The following RAVER2 variants were observed in gnomAD, a reference collection of about 807,000 sequenced individuals.
RAVER2 encodes the protein ribonucleoprotein PTB-binding 2.
In RAVER2, 46 loss-of-function variants were observed where a neutral mutation model predicts 78.1. That is an observed-to-expected ratio of 0.59 (90% CI 0.46 to 0.75). RAVER2 has a LOEUF of 0.75. RAVER2 is among the 30% of genes least tolerant of loss of function. The pLI, the probability that RAVER2 is intolerant of heterozygous loss-of-function variation, is 0.00. For missense variants in RAVER2, 793 were observed against 837.5 expected (o/e 0.95, Z 0.66); for synonymous variants, 311 against 313.3 (o/e 0.99, Z 0.08).
At chr1:64,818,678 T>C (rs1653814089) in intron 11 of RAVER2, among the ~76,000 whole-genome samples, 1 of 152,212 alleles carries the variant, frequency 6.6e-6, no homozygotes, top group Non-Finnish European at 1.5e-5. Flanking sequence ...GTATTTGTGT[T>C]TCTGTAGCTT....
intron 2 of RAVER2, among the ~76,000 whole-genome samples, chr1:64,773,972 A>T (rs1222736954): frequency 1.3e-5 from 2 of 152,162 alleles, no homozygotes; most frequent in Admixed American, 6.5e-5. Context: ...GGCTGCATAA[A>T]TGTCTTCTTT....
chr1:64,789,198 G>C (rs1652867118), intron 4 of RAVER2, among the ~76,000 whole-genome samples, 190 bp from the exon 5 acceptor site: 1 of 152,064 alleles, frequency 6.6e-6, no homozygotes, highest in Admixed American at 6.6e-5. Context: ...CGTTCTATGA[G>C]GATTTTATGC....
chr1:64,803,588 T>C (rs1478572276), intron 6 of RAVER2, among the ~76,000 whole-genome samples: 1 of 152,146 alleles, frequency 6.6e-6, no homozygotes, highest in African/African-American at 2.4e-5. Flanking sequence ...TTTAAGAACA[T>C]AGAATTCTAA....
At chr1:64,833,139 C>A in exon 12 of RAVER2, 1 of 184,822 alleles carries the variant, frequency 5.4e-6, no homozygotes, top group Non-Finnish European at 1.2e-5. Context: ...CCCCTTCCTC[C>A]CCCCAAAACT....
intron 3 of RAVER2, among the ~76,000 whole-genome samples, chr1:64,779,426 G>T (rs1370994301): frequency 6.6e-6 from 1 of 151,918 alleles, no homozygotes. Flanking sequence ...CTATTGCCCA[G>T]GCTGGAATCA....
chr1:64,806,917 A>G (rs1210800068), intron 8 of RAVER2, among the ~76,000 whole-genome samples: 1 of 152,186 alleles, frequency 6.6e-6, no homozygotes, highest in Non-Finnish European at 1.5e-5. Flanking sequence ...CTCAACTTTA[A>G]CAATATATAA....
At chr1:64,746,440 C>T (rs1326805414) in intron 1 of RAVER2, among the ~76,000 whole-genome samples, 1 of 152,128 alleles carries the variant, frequency 6.6e-6, no homozygotes, top group Non-Finnish European at 1.5e-5. Context: ...GTGGGCTGTC[C>T]TGGTAGTTGC....
chr1:64,777,033 A>G (rs1652483096), intron 2 of RAVER2, among the ~76,000 whole-genome samples: 1 of 152,184 alleles, frequency 6.6e-6, no homozygotes, highest in Admixed American at 6.6e-5. Context: ...AGTGTACCAA[A>G]TTAAAAGTGT....
intron 11 of RAVER2, among the ~76,000 whole-genome samples, chr1:64,822,453 A>G (rs954862747): frequency 1.1e-4 from 17 of 152,238 alleles, no homozygotes; most frequent in Admixed American, 6.5e-4. Context: ...CAGAAGAATC[A>G]ACAAACTTAG....
At chr1:64,807,573 GA>G in intron 9 of RAVER2, 99 bp downstream of exon 9, 1 of 1,201,578 alleles carries the variant, frequency 8.3e-7, no homozygotes, top group Non-Finnish European at 1.1e-6. Context: ...ATGAAATGAT[GA>G]CTTTTTCATA....
intron 2 of RAVER2, among the ~76,000 whole-genome samples, chr1:64,776,581 C>T (rs1241744687): frequency 3.3e-5 from 5 of 152,136 alleles, no homozygotes; most frequent in Non-Finnish European, 7.3e-5. Context: ...TATTGTCATG[C>T]AGTTCTAATT....
chr1:64,830,964 A>T (rs759218839), exon 12 of RAVER2: 126 of 1,613,552 alleles, frequency 7.8e-5, no homozygotes, highest in Non-Finnish European at 1.0e-4. Flanking sequence ...AAACTTACTT[A>T]AAAAAGAAGC....
chr1:64,780,329 G>A (rs2100837451), intron 3 of RAVER2, among the ~76,000 whole-genome samples: 1 of 152,238 alleles, frequency 6.6e-6, no homozygotes, highest in Admixed American at 6.5e-5. Context: ...AGAGGTAGAT[G>A]TTTTTCCTTT....
rs1343889155 is a variant in RAVER2 at position 64,793,792 on chromosome 1, GTA to G, written c.1105+4281_1105+4282del. Among the ~76,000 whole-genome samples, 15 of 152,250 alleles carry G rather than the reference GTA, an allele frequency of 9.9e-5. No homozygotes were observed. In the East Asian group the frequency reaches 2.7e-3, roughly 27 times the overall value. On this transcript the variant is annotated intron_variant, in intron 5 of 11. Coordinates refer to ENST00000294428, the Ensembl canonical transcript of RAVER2. ...TACAGTTTGTATTTTCTAGAAATTG[GTA>G]TAAGAGGAATCGCACAGTCTGTACT... is the stretch of plus-strand genomic sequence containing the variant.
At chr1:64,803,140 C>A in intron 6 of RAVER2, 79 bp downstream of exon 6, 2 of 1,071,972 alleles carry the variant, frequency 1.9e-6, no homozygotes, top group Non-Finnish European at 2.8e-6. Context: ...TTAAAGTTCT[C>A]AAGAAATTAA....
intron 9 of RAVER2, among the ~76,000 whole-genome samples, chr1:64,807,836 T>A (rs949510968): frequency 6.6e-6 from 1 of 152,148 alleles, no homozygotes; most frequent in African/African-American, 2.4e-5. Context: ...AAGTTTGTGA[T>A]ATACATGGTT....
At chr1:64,768,774 G>A (rs371771130) in intron 2 of RAVER2, 52 bp downstream of exon 2, 125 of 1,152,886 alleles carry the variant, frequency 1.1e-4, no homozygotes, top group Admixed American at 2.5e-4. Context: ...CCCTGTACTC[G>A]TTATAGAACA....
chr1:64,804,795 CACA>C (rs749737346), exon 7 of RAVER2: 4 of 1,555,288 alleles, frequency 2.6e-6, no homozygotes, highest in South Asian at 2.2e-5. Context: ...ATACCACTGG[CACA>C]ACAACAATTA....
chr1:64,792,307 A>T (rs1056023837), intron 5 of RAVER2, among the ~76,000 whole-genome samples: 3 of 152,232 alleles, frequency 2.0e-5, no homozygotes, highest in African/African-American at 7.2e-5. Context: ...ACAGACACAA[A>T]CATATTCTGT....
Sources: allele counts gnomAD v4.1 joint callset (sites outside exome capture counted in the v4.1 genomes callset), GRCh38; gene constraint gnomAD v4.1.1; transcripts MANE v1.5; gene names NCBI Gene and HGNC (gene_info 2026-07-23, HGNC 2026-07-21).